The following PCDHA1 variants were observed in gnomAD, a reference collection of about 807,000 sequenced individuals.
The protein encoded by PCDHA1 is protocadherin alpha-1.
In PCDHA1, 42 loss-of-function variants were observed where a neutral mutation model predicts 61.3. The observed-to-expected ratio is 0.69, with a 90% CI of 0.54 to 0.89. The LOEUF is 0.89. Ranked by LOEUF, PCDHA1 falls within the 40% of genes least tolerant of loss-of-function variation. The probability of loss-of-function intolerance (pLI) is 0.00; values close to 1 mark genes in which losing one functional copy is unlikely to be tolerated. For synonymous variants in PCDHA1, 610 were observed against 553.8 expected (o/e 1.10, Z -1.43); for missense variants, 1,256 against 1,235.3 (o/e 1.02, Z -0.25).
intron 1 of PCDHA1, among the ~76,000 whole-genome samples, chr5:140,838,877 T>C (rs1016544864): frequency 6.6e-6 from 1 of 151,982 alleles, no homozygotes; most frequent in Non-Finnish European, 1.5e-5. Context: ...ATCATGCCAC[T>C]GAACTCCAGC....
At chr5:140,870,070 G>T (rs1554163779) in intron 1 of PCDHA1, 1 of 1,613,880 alleles carries the variant, frequency 6.2e-7, no homozygotes, top group Admixed American at 1.7e-5. Flanking sequence ...ACAGGCTACA[G>T]ATAAGGGGAC....
intron 1 of PCDHA1, among the ~76,000 whole-genome samples, chr5:140,920,853 A>C (rs375783359): frequency 1.3e-5 from 2 of 152,062 alleles, no homozygotes; most frequent in African/African-American, 4.8e-5. Flanking sequence ...AAAAAAAAAA[A>C]AAAAACAAAC....
At chr5:140,888,037 A>T (rs547880007) in intron 1 of PCDHA1, among the ~76,000 whole-genome samples, 8 of 152,186 alleles carry the variant, frequency 5.3e-5, no homozygotes, top group Non-Finnish European at 1.0e-4. Flanking sequence ...ATATTAGTAC[A>T]TGTATAATAG....
chr5:140,974,328 C>G (rs2096623040), intron 1 of PCDHA1, among the ~76,000 whole-genome samples: 1 of 152,198 alleles, frequency 6.6e-6, no homozygotes, highest in Admixed American at 6.5e-5. Flanking sequence ...AGCTGCTGTG[C>G]TAGCAGGCTA....
intron 1 of PCDHA1, among the ~76,000 whole-genome samples, chr5:140,959,419 A>G (rs1554224077): frequency 2.0e-5 from 3 of 152,150 alleles, no homozygotes; most frequent in Non-Finnish European, 4.4e-5. Context: ...TTGATCTGAG[A>G]ATTTGTGTAT....
At chr5:140,955,407 C>T (rs1453424058) in intron 1 of PCDHA1, among the ~76,000 whole-genome samples, 1 of 152,098 alleles carries the variant, frequency 6.6e-6, no homozygotes, top group African/African-American at 2.4e-5. Flanking sequence ...ATACAGTTCT[C>T]ATGATAGTGA....
At position 141,005,925 on chromosome 5, in the gene PCDHA1, T is replaced by C. The variant is rs368127914; in HGVS notation, c.2543-3702T>C. On this transcript the variant is annotated intron_variant, in intron 3 of 3. Transcript: ENST00000504120. ...TTGCACCACTGCACTTCAGCCTGGT[T>C]GACAGAGTGAGAACCTATCTCTAAC... 4.1e-4 allele frequency among the ~76,000 whole-genome samples: 62 copies of C among 151,990 alleles called. 1 individual carries two copies. The highest frequency in any genetic ancestry group is 1.4e-3 in the African/African-American group (59 of 41,476).
intron 1 of PCDHA1, among the ~76,000 whole-genome samples, chr5:140,975,369 T>G (rs2096664514): frequency 6.6e-6 from 1 of 152,230 alleles, no homozygotes; most frequent in Admixed American, 6.5e-5. Flanking sequence ...CATAGCATAA[T>G]GTAATCATGG....
chr5:140,927,587 T>A, intron 1 of PCDHA1: 18 of 1,614,162 alleles, frequency 1.1e-5, no homozygotes, highest in Non-Finnish European at 1.5e-5. Context: ...AACGCGCCTG[T>A]ATTTGAGCGC....
At chr5:140,883,636 G>A (rs781839349) in intron 1 of PCDHA1, 5 of 1,613,974 alleles carry the variant, frequency 3.1e-6, no homozygotes, top group South Asian at 2.2e-5. Context: ...CGGCGTTCGC[G>A]CAGCCCGAGT....
intron 1 of PCDHA1, among the ~76,000 whole-genome samples, chr5:140,798,271 G>A (rs1404885825): frequency 7.2e-5 from 11 of 152,076 alleles, no homozygotes; most frequent in African/African-American, 2.7e-4. Context: ...CAGCACTTAG[G>A]AATAACTGCT....
chr5:140,792,857 A>G (rs1761733901), intron 1 of PCDHA1, among the ~76,000 whole-genome samples: 2 of 152,216 alleles, frequency 1.3e-5, no homozygotes, highest in Admixed American at 6.5e-5. Flanking sequence ...TTCTGAAGCT[A>G]TCTGCCATCT....
intron 1 of PCDHA1, chr5:140,966,279 G>C (rs1429727504): frequency 3.3e-5 from 12 of 364,508 alleles, no homozygotes; most frequent in Non-Finnish European, 4.9e-5. Context: ...ACTGGACAGT[G>C]GGGGTAGGGA....
Position 140,786,311 on chromosome 5 carries a change from G to A in PCDHA1, c.21G>A (p.Gly7=), listed in dbSNP as rs782286666. Residue 7 remains glycine (G), a synonymous_variant, in exon 1 of 4, where the codon GGG becomes GGA. Transcript: ENST00000504120. ...TTGCAATGGTGTTTTCTAGGAGAGG[G>A]GGCCTGGGAGCCCGGGATCTGCTTC... MVFSRR[G]GLGARDLLLW... is the part of the protein sequence containing the mutation. The A allele has an allele frequency of 5.0e-6, 8 of 1,609,566 alleles. No homozygotes were observed. Among genetic ancestry groups the A allele is most frequent in the Non-Finnish European group, 6.8e-6 (8 of 1,177,670 alleles).
Position 140,786,896 on chromosome 5 carries a change from A to G in PCDHA1, c.606A>G (p.Arg202=). The G allele has an allele frequency of 3.1e-6, 5 of 1,614,192 alleles. No individual in the cohort carries two copies. The highest frequency in any genetic ancestry group is 4.2e-6 in the Non-Finnish European group (5 of 1,180,042). ...LWLELRKYLD[R]EETPELHLLL... is the part of the protein sequence containing the mutation. Reference sequence around the variant, plus strand: ...TTGAATTGAGAAAATATTTGGATAGAGAAGAAACACCAGAACTTCACTTAT... The same window carrying G: ...TTGAATTGAGAAAATATTTGGATAGGGAAGAAACACCAGAACTTCACTTAT... The change falls in exon 1 of 4, where the codon AGA becomes AGG. Residue 202 remains arginine, a synonymous_variant. Transcript: ENST00000504120.
chr5:140,871,134 C>T, intron 1 of PCDHA1: 1 of 1,613,414 alleles, frequency 6.2e-7, no homozygotes, highest in Non-Finnish European at 8.5e-7. Flanking sequence ...CGCCAAAGGC[C>T]TCTTCCCGGA....
At chr5:140,946,575 G>A (rs1554217641) in intron 1 of PCDHA1, among the ~76,000 whole-genome samples, 3 of 140,788 alleles carry the variant, frequency 2.1e-5, no homozygotes, top group Non-Finnish European at 4.6e-5. Flanking sequence ...ATCAACTTAG[G>A]TGTTCATAGT....
At chr5:140,941,240 T>TTTC (rs2092939181) in intron 1 of PCDHA1, among the ~76,000 whole-genome samples, 2 of 141,590 alleles carry the variant, frequency 1.4e-5, no homozygotes, top group Non-Finnish European at 3.0e-5. Flanking sequence ...TCTTTCTTTC[T>TTTC]TTCTTTCTTT....
At chr5:140,861,658 G>C (rs913348410) in intron 1 of PCDHA1, 1 of 269,114 alleles carries the variant, frequency 3.7e-6, no homozygotes, top group Non-Finnish European at 7.4e-6. Flanking sequence ...TTTCTGAAAC[G>C]AGAGCTCTTG....
Sources: gnomAD v4.1 joint callset for allele counts (sites outside exome capture counted in the v4.1 genomes callset) on GRCh38, gnomAD v4.1.1 for gene constraint, MANE v1.5 for transcripts, NCBI Gene and HGNC (gene_info 2026-07-23, HGNC 2026-07-21) for gene names.